GRB10: variants seen among roughly 807,000 people sequenced by gnomAD.
GRB10 encodes the protein growth factor receptor bound protein 10, also known as growth factor receptor-bound protein 10.
GRB10 carries 20 observed loss-of-function variants against 80.9 expected under a neutral mutation model. The observed-to-expected ratio is 0.25, with a 90% confidence interval of 0.17 to 0.36. The LOEUF (loss-of-function observed/expected upper bound fraction) is 0.36. Among genes scored for constraint, GRB10 ranks in the 10% least tolerant of loss-of-function variants. GRB10 has a pLI of 1.00. For synonymous variants in GRB10, 291 were observed against 291.5 expected (o/e 1.00, Z 0.02); for missense variants, 548 against 747.7 (o/e 0.73, Z 3.12).
Position 50,600,753 on chromosome 7 carries a change from C to T in GRB10, c.1544+3245G>A, listed in dbSNP as rs530917989. ...CTGCCAAAAGACAAAGAAGTCCTTC[C>T]ATACATGAAACGAGGGTCAGCCTCC... On this transcript the variant is annotated intron_variant, in intron 17 of 18. Coordinates refer to ENST00000401949, the MANE Select transcript of GRB10 (RefSeq NM_001350814.2). Among the ~76,000 whole-genome samples, 28 of 152,256 alleles carry T rather than the reference C, an allele frequency of 1.8e-4. No individual in the cohort carries two copies. The South Asian group carries it at 5.8e-3, about 32-fold the overall frequency.
At chr7:50,745,528 G>A (rs993465821) in intron 3 of GRB10, among the ~76,000 whole-genome samples, 1 of 152,302 alleles carries the variant, frequency 6.6e-6, no homozygotes, top group African/African-American at 2.4e-5. Flanking sequence ...CCACTGGTCC[G>A]GAAGCACTGT....
intron 8 of GRB10, among the ~76,000 whole-genome samples, chr7:50,622,096 G>C (rs1031541635): frequency 3.9e-5 from 6 of 152,212 alleles, no homozygotes; most frequent in Non-Finnish European, 7.3e-5. Context: ...GCCCACCCAA[G>C]GGAGAGAAAA....
intron 17 of GRB10, among the ~76,000 whole-genome samples, chr7:50,598,502 G>A (rs775665510): frequency 1.1e-4 from 17 of 152,190 alleles, no homozygotes; most frequent in African/African-American, 3.1e-4. Context: ...GACAGGACCC[G>A]ACAGTGATCA....
chr7:50,675,843 A>G (rs2060871042), intron 5 of GRB10, among the ~76,000 whole-genome samples: 1 of 152,164 alleles, frequency 6.6e-6, no homozygotes, highest in South Asian at 2.1e-4. Flanking sequence ...GGGGAAAGGG[A>G]GCCAGGAGCT....
intron 17 of GRB10, among the ~76,000 whole-genome samples, chr7:50,601,920 T>C (rs2047683693): frequency 6.6e-6 from 1 of 152,184 alleles, no homozygotes; most frequent in Admixed American, 6.5e-5. Context: ...ATACCATTAA[T>C]GCTAGCTCAA....
intron 4 of GRB10, among the ~76,000 whole-genome samples, chr7:50,715,665 C>A (rs973452534): frequency 3.3e-5 from 5 of 152,180 alleles, no homozygotes; most frequent in African/African-American, 1.2e-4. Flanking sequence ...GTCTAAACTT[C>A]TTCTGAGTTC....
Position 50,635,974 on chromosome 7 carries a change from T to C in GRB10, c.505-8996A>G, listed in dbSNP as rs1204171086. 2.7e-5 allele frequency among the ~76,000 whole-genome samples: 3 copies of C among 112,822 alleles called. No individual in the cohort carries two copies. In the East Asian group the frequency reaches 6.6e-4, roughly 25 times the overall value. The allele number at this position is 112,822 out of a possible 152,430, so 74.0% of individuals were successfully genotyped here. A position where few individuals can be genotyped will look rare whatever the true frequency, so the allele number is the denominator to read the frequency against. On this transcript the variant is annotated intron_variant, in intron 7 of 18. Transcript: ENST00000401949. The stretch of plus-strand genomic sequence containing the variant: ...TTTTTTTCCTTTCCTTTTTTTTTTT[T>C]TTTTTTTTTTTTTTTTGAGACAGAG...
In GRB10 at chr7:50,602,881, C is replaced by T. The variant is rs543006427; in HGVS notation, c.1544+1117G>A. On this transcript the variant is annotated intron_variant, in intron 17 of 18. Coordinates refer to ENST00000401949, the MANE Select transcript of GRB10 (RefSeq NM_001350814.2). Reference sequence around the variant, plus strand: ...ATTTGCTGGCAAAAATTTAGGATATCTGAAATTTCCTTTAAAATAGAAGAG... The same window carrying T: ...ATTTGCTGGCAAAAATTTAGGATATTTGAAATTTCCTTTAAAATAGAAGAG... 5.3e-4 allele frequency among the ~76,000 whole-genome samples: 81 copies of T among 151,598 alleles called. 1 individual carries two copies. In the South Asian group the frequency reaches 0.017, roughly 31 times the overall value.
At chr7:50,618,750 C>A (rs2051105577) in intron 9 of GRB10, among the ~76,000 whole-genome samples, 1 of 152,224 alleles carries the variant, frequency 6.6e-6, no homozygotes, top group Non-Finnish European at 1.5e-5. Flanking sequence ...GCTCAAGACA[C>A]CAACCAATCG....
Position 50,591,526 on chromosome 7 carries a change from A to G in GRB10, c.*1426T>C, listed in dbSNP as rs915602121. The G allele has an allele frequency of 6.6e-6, 1 of 152,250 alleles. No homozygotes were observed. The highest frequency in any genetic ancestry group is 1.5e-5 in the Non-Finnish European group (1 of 68,062). 9.4% of individuals were successfully genotyped at this position (152,250 alleles called of 1,614,324 possible). A position where few individuals can be genotyped will look rare whatever the true frequency, so the allele number is the denominator to read the frequency against. On this transcript the variant is annotated 3_prime_UTR_variant, in exon 19 of 19. Coordinates refer to ENST00000401949, the MANE Select transcript of GRB10 (RefSeq NM_001350814.2). ...GTCAAAGGAGTCCTTTCTGCTTTAC[A>G]GGGATCAAAGGTAAGGAAATGGCCA...
At chr7:50,619,138 C>A in intron 9 of GRB10, 32 bp downstream of exon 9, 1 of 1,316,768 alleles carries the variant, frequency 7.6e-7, no homozygotes, top group South Asian at 1.2e-5. Context: ...TTCAAGAGTC[C>A]CAAACCCCAA....
intron 17 of GRB10, among the ~76,000 whole-genome samples, chr7:50,597,054 T>C (rs2046783569): frequency 1.3e-5 from 2 of 152,338 alleles, no homozygotes; most frequent in South Asian, 2.1e-4. Flanking sequence ...TAGATTGTAA[T>C]GTGAAGATGG....
chr7:50,661,560 T>C (rs1202959477), intron 7 of GRB10, among the ~76,000 whole-genome samples: 1 of 152,234 alleles, frequency 6.6e-6, no homozygotes, highest in African/African-American at 2.4e-5. Context: ...ATTACTATAC[T>C]TTTTCTTCAC....
intron 2 of GRB10, among the ~76,000 whole-genome samples, chr7:50,768,032 C>G (rs2076542640): frequency 6.6e-6 from 1 of 152,156 alleles, no homozygotes; most frequent in Admixed American, 6.5e-5. Flanking sequence ...GCTCAGCATT[C>G]TGCTTCCCAA....
In GRB10 at chr7:50,604,071, G is replaced by A. The variant is rs1169747160; in HGVS notation, c.1471C>T (p.Gln491Ter). ...GAGATCCTCCCGTGAAACCAGTGCTGTGTCCTGTGAATCACTGTGGGGGGA... is the reference window on the plus strand; with the variant it reads ...GAGATCCTCCCGTGAAACCAGTGCTATGTCCTGTGAATCACTGTGGGGGGA... Reference protein sequence around the residue: ...STLSTVIHRTQHWFHGRISRE... With the variant: ...STLSTVIHRT The change falls in exon 17 of 19, where the codon CAG (glutamine) becomes TAG (stop). Residue 491 changes from glutamine (Q) to a stop codon, truncating the protein, a stop_gained. Transcript: ENST00000401949. LOFTEE classifies it high-confidence loss of function. The A allele has an allele frequency of 1.2e-6, 2 of 1,613,678 alleles. No homozygotes were observed. Among genetic ancestry groups the A allele is most frequent in the African/African-American group, 2.7e-5 (2 of 74,914 alleles).
chr7:50,665,897 G>C (rs1329082944), intron 7 of GRB10, among the ~76,000 whole-genome samples: 2 of 152,170 alleles, frequency 1.3e-5, no homozygotes, highest in East Asian at 3.9e-4. Flanking sequence ...GAGGATCACA[G>C]GTTTGAAACT....
chr7:50,641,970 C>T (rs938522558), intron 7 of GRB10, among the ~76,000 whole-genome samples: 1 of 152,192 alleles, frequency 6.6e-6, no homozygotes, highest in Non-Finnish European at 1.5e-5. Flanking sequence ...CTGCTGCTCA[C>T]CTGAGGAACA....
Position 50,592,848 on chromosome 7 carries a change from G to T in GRB10, c.*104C>A. 2 of 1,321,844 alleles carry T rather than the reference G, an allele frequency of 1.5e-6. No individual in the cohort carries two copies. The highest frequency in any genetic ancestry group is 2.2e-6 in the Non-Finnish European group (2 of 919,450). The allele number at this position is 1,321,844 out of a possible 1,614,324, so 81.9% of individuals were successfully genotyped here. On this transcript the variant is annotated 3_prime_UTR_variant, in exon 19 of 19. Coordinates refer to ENST00000401949, the MANE Select transcript of GRB10 (RefSeq NM_001350814.2). Reference sequence around the variant, plus strand: ...CACCGAACAAACCCATCTCGCTCTGGGTCCCCAGGTGCAGAATCGATGTGT... The same window carrying T: ...CACCGAACAAACCCATCTCGCTCTGTGTCCCCAGGTGCAGAATCGATGTGT...
chr7:50,731,816 T>TA (rs1195061867), intron 4 of GRB10, among the ~76,000 whole-genome samples: 5 of 152,180 alleles, frequency 3.3e-5, no homozygotes, highest in Admixed American at 2.6e-4. Flanking sequence ...GAACATCTGT[T>TA]AAGACACCAA....
Sources: gnomAD v4.1 joint callset for allele counts (sites outside exome capture counted in the v4.1 genomes callset) on GRCh38, gnomAD v4.1.1 for gene constraint, MANE v1.5 for transcripts, NCBI Gene and HGNC (gene_info 2026-07-23, HGNC 2026-07-21) for gene names.